EAPP: variants seen among roughly 807,000 people sequenced by gnomAD.
The protein encoded by EAPP is E2F-associated phosphoprotein.
In EAPP, 38 loss-of-function variants were observed where a neutral mutation model predicts 34.3. That is an observed-to-expected ratio of 1.11 (90% CI 0.85 to 1.45). The LOEUF (loss-of-function observed/expected upper bound fraction) is 1.45, where lower values mean the gene tolerates loss of function less well. Among genes scored for constraint, EAPP ranks in the 40% most tolerant of loss-of-function variants. The pLI is 0.00. For synonymous variants in EAPP, 113 were observed against 117.6 expected (o/e 0.96, Z 0.25); for missense variants, 338 against 343.7 (o/e 0.98, Z 0.13).
At chr14:34,519,442 G>A (rs1879841093) in intron 5 of EAPP, among the ~76,000 whole-genome samples, 1 of 152,014 alleles carries the variant, frequency 6.6e-6, no homozygotes, top group Non-Finnish European at 1.5e-5. Flanking sequence ...GACTGAGACA[G>A]GAGAATTGCG....
intron 2 of EAPP, among the ~76,000 whole-genome samples, chr14:34,533,817 G>C (rs1880375256): frequency 6.6e-6 from 1 of 152,130 alleles, no homozygotes; most frequent in African/African-American, 2.4e-5. Context: ...CAGGTTGCCA[G>C]CACACATATC....
intron 1 of EAPP, 132 bp from the exon 2 acceptor site, chr14:34,536,407 A>G: frequency 1.8e-6 from 1 of 566,288 alleles, no homozygotes; most frequent in South Asian, 3.2e-5. Context: ...TACATTACAT[A>G]TAGCTATTCT....
intron 3 of EAPP, among the ~76,000 whole-genome samples, chr14:34,533,196 G>C (rs373711340): frequency 2.0e-5 from 3 of 151,866 alleles, no homozygotes; most frequent in Non-Finnish European, 1.5e-5. Flanking sequence ...CACCATGCCC[G>C]GCTTATTTTT....
rs111420332 is a variant in EAPP at position 34,524,653 on chromosome 14, A to ATGTGTGTGTGTGTGTG, written c.581+43_581+44insCACACACACACACACA. 3,122 of 874,702 alleles carry ATGTGTGTGTGTGTGTG rather than the reference A, an allele frequency of 3.6e-3. 21 individuals are homozygous for ATGTGTGTGTGTGTGTG. Among genetic ancestry groups the ATGTGTGTGTGTGTGTG allele is most frequent in the Non-Finnish European group, 3.9e-3 (2,247 of 572,956 alleles). The allele number at this position is 874,702 out of a possible 1,614,324, so 54.2% of individuals were successfully genotyped here. ...AGTCTGTTTCTAATTTAAACAAAAT[A>ATGTGTGTGTGTGTGTG]TGTATGTGTGTGTGTGTGTGTGTGT... On this transcript the variant is annotated intron_variant, in intron 5 of 5. Coordinates refer to ENST00000250454, the MANE Select transcript of EAPP (RefSeq NM_018453.4).
intron 5 of EAPP, among the ~76,000 whole-genome samples, chr14:34,521,521 A>C (rs1004910533): frequency 2.0e-5 from 3 of 151,934 alleles, no homozygotes; most frequent in Non-Finnish European, 4.4e-5. Flanking sequence ...GTGCATTTTC[A>C]AACAGTCTAT....
intron 4 of EAPP, among the ~76,000 whole-genome samples, chr14:34,525,220 C>T (rs1305716149): frequency 6.6e-6 from 1 of 152,182 alleles, no homozygotes; most frequent in African/African-American, 2.4e-5. Context: ...AGATGCTCTT[C>T]CCTCACAGTG....
At chr14:34,529,263 A>G in intron 4 of EAPP, 95 bp downstream of exon 4, 1 of 905,622 alleles carries the variant, frequency 1.1e-6, no homozygotes, top group Admixed American at 2.7e-5. Flanking sequence ...GTGTTTGTGT[A>G]AACATATACA....
rs1364155975 is a variant in EAPP at position 34,536,179 on chromosome 14, A to G, written c.171T>C (p.Ser57=). 1.4e-5 allele frequency: 22 copies of G among 1,612,052 alleles called. No homozygotes were observed. The highest frequency in any genetic ancestry group is 1.8e-5 in the Non-Finnish European group (21 of 1,178,788). The change falls in exon 2 of 6, where the codon AGT becomes AGC. Residue 57 remains serine, a synonymous_variant. Transcript: ENST00000250454. The part of the protein sequence containing the change: ...ECLTGESESS[S]EDEFEKEMEA... ...CCATCTCCTTTTCAAATTCATCTTC[A>G]CTAGATGATTCACTTTCTCCGGTAA... is the stretch of plus-strand genomic sequence containing the variant.
At chr14:34,534,625 T>C (rs2138223559) in intron 2 of EAPP, among the ~76,000 whole-genome samples, 1 of 152,230 alleles carries the variant, frequency 6.6e-6, no homozygotes, top group Non-Finnish European at 1.5e-5. Flanking sequence ...CTTTTTTTTT[T>C]AACTCGAGTA....
At chr14:34,526,068 T>C (rs976952113) in intron 4 of EAPP, among the ~76,000 whole-genome samples, 5 of 151,632 alleles carry the variant, frequency 3.3e-5, no homozygotes, top group Non-Finnish European at 7.4e-5. Flanking sequence ...TATTAGTCCA[T>C]TAATTGTGAC....
intron 5 of EAPP, among the ~76,000 whole-genome samples, chr14:34,518,008 C>G (rs899698070): frequency 6.6e-6 from 1 of 151,452 alleles, no homozygotes; most frequent in African/African-American, 2.4e-5. Flanking sequence ...CTCCTGACCT[C>G]GTGATCTGCC....
At chr14:34,525,543 C>T (rs1359143581) in intron 4 of EAPP, among the ~76,000 whole-genome samples, 1 of 152,112 alleles carries the variant, frequency 6.6e-6, no homozygotes, top group Admixed American at 6.6e-5. Context: ...CTGATTAGTG[C>T]TCCTCAAAGT....
chr14:34,522,104 G>A (rs989327026), intron 5 of EAPP, among the ~76,000 whole-genome samples: 9 of 152,022 alleles, frequency 5.9e-5, no homozygotes, highest in Admixed American at 2.6e-4. Flanking sequence ...GTCTATAAGC[G>A]TATGCCAAGA....
At chr14:34,520,449 A>G (rs1480353915) in intron 5 of EAPP, among the ~76,000 whole-genome samples, 5 of 151,426 alleles carry the variant, frequency 3.3e-5, no homozygotes, top group Non-Finnish European at 5.9e-5. Flanking sequence ...ACCTCAGGTG[A>G]TCCACCCTCC....
intron 5 of EAPP, among the ~76,000 whole-genome samples, chr14:34,516,968 C>T (rs1478628590): frequency 4.9e-5 from 7 of 143,384 alleles, no homozygotes; most frequent in African/African-American, 1.6e-4. Context: ...GATGGAGTCT[C>T]GCTCTGTCGC....
At chr14:34,533,031 CTTTATTTA>C (rs903902549) in intron 3 of EAPP, among the ~76,000 whole-genome samples, 1 of 149,864 alleles carries the variant, frequency 6.7e-6, no homozygotes, top group Non-Finnish European at 1.5e-5. Context: ...ATGGCATCCA[CTTTATTTA>C]TTTATTTATT....
At chr14:34,532,474 A>C (rs1880328641) in intron 3 of EAPP, among the ~76,000 whole-genome samples, 1 of 152,086 alleles carries the variant, frequency 6.6e-6, no homozygotes, top group Admixed American at 6.6e-5. Context: ...AAAAAAAAAA[A>C]ATTCTGCAGG....
At chr14:34,521,665 C>T (rs1360501992) in intron 5 of EAPP, among the ~76,000 whole-genome samples, 1 of 139,776 alleles carries the variant, frequency 7.2e-6, no homozygotes, top group Admixed American at 7.8e-5. Context: ...GATGGAGTCT[C>T]GCTCCATTGC....
intron 4 of EAPP, among the ~76,000 whole-genome samples, chr14:34,528,217 G>T (rs1880157230): frequency 6.6e-6 from 1 of 151,694 alleles, no homozygotes; most frequent in African/African-American, 2.4e-5. Flanking sequence ...TGTATTTTTA[G>T]TAGAGATGGG....
Sources: gnomAD v4.1 joint callset for allele counts (sites outside exome capture counted in the v4.1 genomes callset) on GRCh38, gnomAD v4.1.1 for gene constraint, MANE v1.5 for transcripts, NCBI Gene and HGNC (gene_info 2026-07-23, HGNC 2026-07-21) for gene names.